Variants in TNNI3K observed in about 807,000 individuals in gnomAD.
The protein encoded by TNNI3K is serine/threonine-protein kinase TNNI3K.
TNNI3K carries 140 observed loss-of-function variants against 114.5 expected under a neutral mutation model. That is an observed-to-expected ratio of 1.22 (90% CI 1.07 to 1.41). The LOEUF (loss-of-function observed/expected upper bound fraction) is 1.41. Ranked by LOEUF, TNNI3K falls within the 40% of genes most tolerant of loss-of-function variation. The pLI is 0.00. For synonymous variants in TNNI3K, 347 were observed against 347.5 expected, an observed-to-expected ratio of 1.00 and a Z score of 0.02; for missense variants, 1,125 against 1,007.6, an observed-to-expected ratio of 1.12 and a Z score of -1.58.
chr1:74,342,746 C>A, intron 7 of TNNI3K, 96 bp from the exon 8 acceptor site: 1 of 1,457,696 alleles, frequency 6.9e-7, no homozygotes, highest in Non-Finnish European at 9.3e-7. Context: ...CCAGGAATCA[C>A]TCAGGCACTT....
intron 21 of TNNI3K, among the ~76,000 whole-genome samples, chr1:74,479,489 C>A (rs892158764): frequency 2.0e-5 from 3 of 152,178 alleles, no homozygotes; most frequent in Admixed American, 6.5e-5. Context: ...AACCACCCAA[C>A]AGGAGGAAAA....
intron 17 of TNNI3K, chr1:74,372,716 A>T (rs1011595648): frequency 2.0e-5 from 3 of 151,852 alleles, no homozygotes; most frequent in Non-Finnish European, 4.4e-5. Flanking sequence ...ATAAGTAATC[A>T]TTGCAAGTTT....
chr1:74,527,299 C>G (rs1024756830), intron 23 of TNNI3K, among the ~76,000 whole-genome samples: 1 of 152,106 alleles, frequency 6.6e-6, no homozygotes. Flanking sequence ...TCAGAGTAAA[C>G]AGACAAAGAT....
At chr1:74,353,208 C>T (rs899289683) in intron 9 of TNNI3K, 58 bp from the exon 10 acceptor site, 8 of 1,575,942 alleles carry the variant, frequency 5.1e-6, no homozygotes, top group Non-Finnish European at 6.0e-6. Flanking sequence ...GGAGAGGGCA[C>T]AATTTAGTTC....
In TNNI3K at chr1:74,284,071, A is replaced by ATTC. The variant is rs536527328; in HGVS notation, c.444+12382_444+12384dup. Among the ~76,000 whole-genome samples the ATTC allele has an allele frequency of 2.1e-3, 318 of 152,100 alleles. 1 individual carries two copies. Among genetic ancestry groups the ATTC allele is most frequent in the Middle Eastern group, 0.01 (3 of 294 alleles). ...TCACTATGTCTCAGGAAGACGGGAA[A>ATTC]TTCTTCTTCTTCTTCTTCTTCCCCT... On this transcript the variant is annotated intron_variant, in intron 5 of 24. Transcript: ENST00000326637.
intron 20 of TNNI3K, among the ~76,000 whole-genome samples, chr1:74,457,806 C>T (rs1667288946): frequency 6.6e-6 from 1 of 152,068 alleles, no homozygotes; most frequent in Non-Finnish European, 1.5e-5. Context: ...ATAATTAAGG[C>T]TGTCATGGAG....
intron 9 of TNNI3K, among the ~76,000 whole-genome samples, chr1:74,349,329 T>A (rs766775083): frequency 6.6e-6 from 1 of 152,190 alleles, no homozygotes; most frequent in African/African-American, 2.4e-5. Flanking sequence ...GCCCACTTGA[T>A]CATGGTGGAT....
chr1:74,520,009 T>A (rs978930922), intron 23 of TNNI3K, among the ~76,000 whole-genome samples: 118 of 152,306 alleles, frequency 7.7e-4, no homozygotes, highest in African/African-American at 2.4e-3. Flanking sequence ...GTATTTAATT[T>A]TTTATTTCCA....
chr1:74,402,976 C>T (rs45496298), intron 17 of TNNI3K, among the ~76,000 whole-genome samples: 2,479 of 152,270 alleles, frequency 0.016, 66 homozygotes, highest in African/African-American at 0.057. Context: ...TAGTATTCCA[C>T]TCATATTCAT....
chr1:74,471,341 T>C, intron 21 of TNNI3K: 1 of 400,728 alleles, frequency 2.5e-6, no homozygotes, highest in Non-Finnish European at 4.4e-6. Context: ...GTATTTATTT[T>C]GGCTTCTGTC....
intron 11 of TNNI3K, among the ~76,000 whole-genome samples, chr1:74,357,036 T>C (rs1347408944): frequency 6.6e-6 from 1 of 152,220 alleles, no homozygotes; most frequent in African/African-American, 2.4e-5. Flanking sequence ...TTTTCATGTG[T>C]TCAGGGAGAA....
At chr1:74,352,103 C>G (rs1199094036) in intron 9 of TNNI3K, among the ~76,000 whole-genome samples, 8 of 152,156 alleles carry the variant, frequency 5.3e-5, no homozygotes, top group Non-Finnish European at 1.0e-4. Flanking sequence ...GTGGTTTTAT[C>G]TACCTTTGGT....
At chr1:74,271,732 T>A (rs759874798) in intron 5 of TNNI3K, 24 bp downstream of exon 5, 1 of 1,579,994 alleles carries the variant, frequency 6.3e-7, no homozygotes. Flanking sequence ...TTGGCACCTG[T>A]GAAAACAAAG....
intron 23 of TNNI3K, among the ~76,000 whole-genome samples, chr1:74,533,752 G>A (rs1019953698): frequency 1.3e-5 from 2 of 151,976 alleles, no homozygotes; most frequent in East Asian, 1.9e-4. Flanking sequence ...ATGAGTTCAT[G>A]TCCTTTGTAG....
intron 23 of TNNI3K, among the ~76,000 whole-genome samples, chr1:74,531,215 A>G (rs1646578763): frequency 1.3e-5 from 2 of 152,354 alleles, no homozygotes; most frequent in South Asian, 2.1e-4. Context: ...GCACTTGCCC[A>G]TTCTCTGTAA....
intron 21 of TNNI3K, chr1:74,475,607 C>T (rs1332147088): frequency 1.4e-6 from 1 of 717,324 alleles, no homozygotes; most frequent in South Asian, 1.5e-5. Flanking sequence ...CTGGACCCCA[C>T]AGTGGACATG....
chr1:74,242,852 CCTCTCT>C (rs954701772), intron 2 of TNNI3K, among the ~76,000 whole-genome samples: 1 of 151,182 alleles, frequency 6.6e-6, no homozygotes, highest in Non-Finnish European at 1.5e-5. Context: ...TCTCTCTCTG[CCTCTCT>C]CTCTCTATCT....
At chr1:74,302,631 A>G (rs1438488566) in intron 5 of TNNI3K, among the ~76,000 whole-genome samples, 1 of 152,236 alleles carries the variant, frequency 6.6e-6, no homozygotes, top group Non-Finnish European at 1.5e-5. Context: ...TATGGATAGA[A>G]AGTCGAACTA....
chr1:74,400,042 C>T (rs1397453070), intron 17 of TNNI3K, among the ~76,000 whole-genome samples: 1 of 152,176 alleles, frequency 6.6e-6, no homozygotes, highest in Non-Finnish European at 1.5e-5. Context: ...CTGGGTGAGC[C>T]ATTCTTCCAA....
Sources: allele counts gnomAD v4.1 joint callset (sites outside exome capture counted in the v4.1 genomes callset), GRCh38; gene constraint gnomAD v4.1.1; transcripts MANE v1.5; gene names NCBI Gene and HGNC (gene_info 2026-07-23, HGNC 2026-07-21).